NSD1: variants seen among roughly 807,000 people sequenced by gnomAD.
NSD1 encodes nuclear receptor binding SET domain protein 1.
A neutral mutation model predicts 242.7 loss-of-function variants in NSD1; 26 were observed. The ratio of observed to expected loss-of-function variants is 0.11; its 90% CI spans 0.08 to 0.15. The LOEUF is 0.15. Among genes scored for constraint, NSD1 ranks in the 10% least tolerant of loss-of-function variants. NSD1 has a pLI of 1.00. For missense variants in NSD1, 2,495 were observed against 3,272.8 expected (o/e 0.76, Z 5.80); for synonymous variants, 1,106 against 1,178.1 (o/e 0.94, Z 1.25).
chr5:177,174,932 C>T lies in NSD1; in HGVS notation c.928-16952C>T, dbSNP rs1188222607. The stretch of plus-strand genomic sequence containing the variant: ...TGTCACCCAGGCTGGAGTGCAGTGG[C>T]GCTATCTTGGCCCACTGCAAGCTCT... On this transcript the variant is annotated intron_variant, in intron 2 of 22. Transcript: ENST00000439151. 3.7e-5 allele frequency among the ~76,000 whole-genome samples: 5 copies of T among 133,918 alleles called. No individual in the cohort carries two copies. In the South Asian group the frequency reaches 9.7e-4, roughly 26 times the overall value. 87.9% of individuals were successfully genotyped at this position (133,918 alleles called of 152,430 possible).
Position 177,211,732 on chromosome 5 carries a change from T to C in NSD1, c.3333T>C (p.Asp1111=), listed in dbSNP as rs1763359719. ...DGDHFSDVHF[D]SKVKQSDPGK... Reference sequence around the variant, plus strand: ...ACCATTTTTCTGATGTGCATTTCGATAGCAAGGTTAAGCAATCTGATCCTG... The same window carrying C: ...ACCATTTTTCTGATGTGCATTTCGACAGCAAGGTTAAGCAATCTGATCCTG... Residue 1111 remains aspartate, a synonymous_variant, in exon 5 of 23, where the codon GAT becomes GAC. Coordinates refer to ENST00000439151, the MANE Select transcript of NSD1 (RefSeq NM_022455.5). The C allele has an allele frequency of 2.5e-6, 4 of 1,613,964 alleles. No homozygotes were observed. The highest frequency in any genetic ancestry group is 2.2e-5 in the South Asian group (2 of 91,070).
intron 2 of NSD1, among the ~76,000 whole-genome samples, chr5:177,175,899 G>A (rs780721527): frequency 2.8e-4 from 41 of 146,454 alleles, no homozygotes; most frequent in Non-Finnish European, 4.9e-4. Context: ...TTTTTGAAAT[G>A]GAGTCTTGCC....
chr5:177,146,961 C>T (rs886840252), intron 2 of NSD1, among the ~76,000 whole-genome samples: 5 of 149,884 alleles, frequency 3.3e-5, no homozygotes, highest in African/African-American at 7.4e-5. Flanking sequence ...GAGCTGAGAT[C>T]GCGCCGCTGC....
intron 2 of NSD1, chr5:177,136,919 C>A: frequency 1.4e-6 from 1 of 701,300 alleles, no homozygotes; most frequent in Non-Finnish European, 2.6e-6. Flanking sequence ...GACTCCTGGG[C>A]TCATTCGATC....
At chr5:177,153,365 C>T (rs1757881194) in intron 2 of NSD1, among the ~76,000 whole-genome samples, 1 of 151,886 alleles carries the variant, frequency 6.6e-6, no homozygotes, top group African/African-American at 2.4e-5. Flanking sequence ...TAGCATTTGT[C>T]CCACACTTAG....
At chr5:177,289,293 C>T (rs1434572293) in intron 21 of NSD1, among the ~76,000 whole-genome samples, 1 of 151,934 alleles carries the variant, frequency 6.6e-6, no homozygotes, top group Non-Finnish European at 1.5e-5. Flanking sequence ...TGCACTCTAG[C>T]CTGGGCAACA....
At chr5:177,245,790 C>G (rs1006188929) in intron 9 of NSD1, among the ~76,000 whole-genome samples, 1 of 151,596 alleles carries the variant, frequency 6.6e-6, no homozygotes, top group Non-Finnish European at 1.5e-5. Context: ...TGTACTCCCT[C>G]ACGCCTGGCT....
intron 5 of NSD1, among the ~76,000 whole-genome samples, chr5:177,235,032 A>G (rs755712489): frequency 6.6e-6 from 1 of 152,190 alleles, no homozygotes; most frequent in Non-Finnish European, 1.5e-5. Context: ...CCCTGAACAC[A>G]CATTACTTTT....
Position 177,134,101 on chromosome 5 carries a change from A to AGC in NSD1, c.-18+150_-18+151dup, listed in dbSNP as rs1203243653. 2 of 147,176 alleles carry AGC rather than the reference A, an allele frequency of 1.4e-5. No homozygotes were observed. The highest frequency in any genetic ancestry group is 3.0e-5 in the Non-Finnish European group (2 of 66,832). 9.1% of individuals were successfully genotyped at this position (147,176 alleles called of 1,614,324 possible). A position where few individuals can be genotyped will look rare whatever the true frequency, so the allele number is the denominator to read the frequency against. ...CGGGGTTGGTGGCCGGCGGCGCTGC[A>AGC]GCCGCCGGCCTCCTCCCCCTCCCCC... On this transcript the variant is annotated intron_variant, in intron 1 of 22. Coordinates refer to ENST00000439151, the MANE Select transcript of NSD1 (RefSeq NM_022455.5). This position sits in a 1 kb window ranked among gnomAD's most constrained non-coding sequence, Gnocchi z 4.2.
chr5:177,232,556 A>T (rs1765141622), intron 5 of NSD1, among the ~76,000 whole-genome samples: 1 of 152,216 alleles, frequency 6.6e-6, no homozygotes, highest in Non-Finnish European at 1.5e-5. Flanking sequence ...CCTTCAGCTT[A>T]GATGTATCTT....
chr5:177,178,682 G>C (rs750235475), intron 2 of NSD1, among the ~76,000 whole-genome samples: 5 of 152,150 alleles, frequency 3.3e-5, no homozygotes, highest in Non-Finnish European at 7.4e-5. Flanking sequence ...ACAGCTCACT[G>C]CATCCTCGAC....
In NSD1 at chr5:177,193,052, G is replaced by T. The variant is rs924620898; in HGVS notation, c.1063+1033G>T. On this transcript the variant is annotated intron_variant, in intron 3 of 22. Coordinates refer to ENST00000439151, the MANE Select transcript of NSD1 (RefSeq NM_022455.5). ...TGGAGTATTTCCTTTAAATGCTATT[G>T]TTTGTTTTTCAGTTGATTGTTGTGT... Among the ~76,000 whole-genome samples, 5 of 152,192 alleles carry T rather than the reference G, an allele frequency of 3.3e-5. No homozygotes were observed. The South Asian group carries it at 6.2e-4, about 19-fold the overall frequency.
rs1491586988 is a variant in NSD1, at chr5:177,159,029, TGA to T, written c.927+23000_927+23001del. 2.7e-5 allele frequency among the ~76,000 whole-genome samples: 3 copies of T among 109,370 alleles called. 1 individual carries two copies. Among genetic ancestry groups the T allele is most frequent in the African/African-American group, 8.4e-5 (2 of 23,720 alleles). The allele number at this position is 109,370 out of a possible 152,430, so 71.8% of individuals were successfully genotyped here. On this transcript the variant is annotated intron_variant, in intron 2 of 22. Transcript: ENST00000439151. Reference sequence around the variant, plus strand: ...ATATATATATATATATATATATGAATGATATATATATATATATATGAATGAAT... The same window carrying T: ...ATATATATATATATATATATATGAATTATATATATATATATATGAATGAAT...
intron 2 of NSD1, among the ~76,000 whole-genome samples, chr5:177,180,906 C>T (rs2149808126): frequency 6.6e-6 from 1 of 151,926 alleles, no homozygotes; most frequent in South Asian, 2.1e-4. Flanking sequence ...TGGTCTTGAA[C>T]TCCTGACCTC....
intron 2 of NSD1, among the ~76,000 whole-genome samples, chr5:177,167,320 T>C (rs1759286576): frequency 6.6e-6 from 1 of 152,010 alleles, no homozygotes; most frequent in Non-Finnish European, 1.5e-5. Flanking sequence ...GTGGATCACC[T>C]GAGGTCAGGA....
chr5:177,195,324 CA>C (rs1039700359), intron 3 of NSD1, among the ~76,000 whole-genome samples: 1 of 151,378 alleles, frequency 6.6e-6, no homozygotes, highest in Non-Finnish European at 1.5e-5. Context: ...CTCTTTAATT[CA>C]AAAAAAATGT....
At position 177,218,527 on chromosome 5, in the gene NSD1, G is replaced by A. The variant is rs185689844; in HGVS notation, c.3796+6332G>A. Among the ~76,000 whole-genome samples, 7 of 149,866 alleles carry A rather than the reference G, an allele frequency of 4.7e-5. No homozygotes were observed. In the East Asian group the frequency reaches 7.8e-4, roughly 17 times the overall value. ...TTTTTTTTTCTATTTTTGAACCATC[G>A]TTGCATTCCAAGATTAAATTCCACT... is the stretch of plus-strand genomic sequence containing the variant. On this transcript the variant is annotated intron_variant, in intron 5 of 22. Transcript: ENST00000439151.
Position 177,175,147 on chromosome 5 carries a change from A to C in NSD1, c.928-16737A>C, listed in dbSNP as rs546255865. ...CAGCCTCCCAAAGTGCTGGGATTAT[A>C]GGCGTGAGCCACTACACCCGGCCTG... On this transcript the variant is annotated intron_variant, in intron 2 of 22. Transcript: ENST00000439151. Among the ~76,000 whole-genome samples the C allele has an allele frequency of 1.5e-4, 23 of 152,272 alleles. 1 individual carries two copies. In the South Asian group the frequency reaches 4.8e-3, roughly 32 times the overall value.
intron 22 of NSD1, among the ~76,000 whole-genome samples, chr5:177,293,348 C>G (rs1759996632): frequency 6.6e-6 from 1 of 152,094 alleles, no homozygotes; most frequent in African/African-American, 2.4e-5. Flanking sequence ...GGTAAATCTT[C>G]CATTTTTCAT....
Sources: allele counts gnomAD v4.1 joint callset (sites outside exome capture counted in the v4.1 genomes callset), GRCh38; gene constraint gnomAD v4.1.1; non-coding constraint Gnocchi (gnomAD v3.1); transcripts MANE v1.5; gene names NCBI Gene and HGNC (gene_info 2026-07-23, HGNC 2026-07-21).